Variants in XKR6 observed in about 807,000 individuals in gnomAD.
XKR6 encodes the protein XK related 6, also known as XK-related protein 6.
Under a neutral mutation model 56.7 loss-of-function variants are expected in XKR6, and 22 were observed. That is an observed-to-expected ratio of 0.39 (90% CI 0.28 to 0.55). The LOEUF (loss-of-function observed/expected upper bound fraction) is 0.55. Among genes scored for constraint, XKR6 ranks in the 20% least tolerant of loss-of-function variants. The pLI is 0.66. For missense variants in XKR6, 852 were observed against 889.0 expected (o/e 0.96, Z 0.53); for synonymous variants, 524 against 387.8 (o/e 1.35, Z -4.13).
chr8:11,172,187 T>G (rs1342213705), intron 1 of XKR6, among the ~76,000 whole-genome samples: 1 of 151,910 alleles, frequency 6.6e-6, no homozygotes, highest in South Asian at 2.1e-4. Context: ...CTGGGCAACA[T>G]GGCGAACACC....
intron 1 of XKR6, among the ~76,000 whole-genome samples, chr8:11,188,873 C>T (rs1015080470): frequency 6.6e-6 from 1 of 152,110 alleles, no homozygotes; most frequent in Non-Finnish European, 1.5e-5. Flanking sequence ...ACAAGGTTCT[C>T]GGATTTTCTC....
chr8:11,167,715 C>A (rs941881366), intron 1 of XKR6, among the ~76,000 whole-genome samples: 8 of 152,064 alleles, frequency 5.3e-5, no homozygotes, highest in African/African-American at 1.9e-4. Context: ...ACAAGTCTGG[C>A]TCACTATTGA....
At chr8:11,054,485 C>A (rs547553588) in intron 1 of XKR6, among the ~76,000 whole-genome samples, 16 of 152,196 alleles carry the variant, frequency 1.1e-4, no homozygotes, top group Non-Finnish European at 1.8e-4. Flanking sequence ...ATCAACTTAT[C>A]TGAGAGTGCA....
At chr8:11,123,213 G>A (rs1288898735) in intron 1 of XKR6, among the ~76,000 whole-genome samples, 1 of 149,522 alleles carries the variant, frequency 6.7e-6, no homozygotes, top group Non-Finnish European at 1.5e-5. Flanking sequence ...CTCCAGCCTG[G>A]GTGGCAGAGT....
chr8:11,140,891 C>G (rs1800661199), intron 1 of XKR6, among the ~76,000 whole-genome samples: 1 of 106,418 alleles, frequency 9.4e-6, no homozygotes, highest in African/African-American at 5.0e-5. Context: ...GAGCGAGACT[C>G]TGTCTCAAAA....
chr8:10,990,802 C>T (rs1234925359), intron 1 of XKR6, among the ~76,000 whole-genome samples: 2 of 151,312 alleles, frequency 1.3e-5, no homozygotes, highest in East Asian at 1.9e-4. Context: ...AGGCTGGTCT[C>T]GAACTTCTGG....
In XKR6 at chr8:11,200,737, G is replaced by A. The variant is rs1804171122; in HGVS notation, c.603C>T (p.Ser201=). ...GGLGAVEGLT[S]RGPPMMGAGY... is the part of the protein sequence containing the mutation. ...CGGCCCCCATCATGGGGGGGCCCCG[G>A]CTGGTGAGCCCCTCCACGGCGCCCA... Residue 201 remains serine (S), a synonymous_variant, in exon 1 of 3, where the codon AGC becomes AGT. Coordinates refer to ENST00000416569, the MANE Select transcript of XKR6 (RefSeq NM_173683.4). The surrounding 1 kb of genome is among the most constrained non-coding windows in gnomAD (Gnocchi z 6.4). The A allele has an allele frequency of 6.3e-7, 1 of 1,592,456 alleles. No individual in the cohort carries two copies. The highest frequency in any genetic ancestry group is 8.5e-7 in the Non-Finnish European group (1 of 1,172,494).
intron 1 of XKR6, among the ~76,000 whole-genome samples, chr8:11,116,785 G>A (rs759353109): frequency 5.3e-5 from 8 of 152,130 alleles, no homozygotes; most frequent in Non-Finnish European, 8.8e-5. Flanking sequence ...AGTCACAGCT[G>A]CCATTTCCCC....
chr8:10,940,820 G>T (rs1032838311), intron 1 of XKR6, among the ~76,000 whole-genome samples: 1 of 152,174 alleles, frequency 6.6e-6, no homozygotes, highest in Non-Finnish European at 1.5e-5. Context: ...CCAGCAAACT[G>T]CTTTGTTCCA....
At position 11,056,094 on chromosome 8, in the gene XKR6, G is replaced by A. The variant is rs114590702; in HGVS notation, c.765-131264C>T. Among the ~76,000 whole-genome samples, 1,342 of 152,148 alleles carry A rather than the reference G, an allele frequency of 8.8e-3. 16 individuals carry two copies. The highest frequency in any genetic ancestry group is 0.031 in the African/African-American group (1,287 of 41,508). ...TGCCCCATAGGAGGCCGTGGACGAC[G>A]TCCCGACTCCTCCTGGACCCAGTGC... is the stretch of plus-strand genomic sequence containing the variant. On this transcript the variant is annotated intron_variant, in intron 1 of 2. Coordinates refer to ENST00000416569, the MANE Select transcript of XKR6 (RefSeq NM_173683.4).
At chr8:11,191,498 C>T (rs946413087) in intron 1 of XKR6, among the ~76,000 whole-genome samples, 13 of 152,064 alleles carry the variant, frequency 8.5e-5, no homozygotes, top group East Asian at 5.8e-4. Flanking sequence ...ACGTATGGGG[C>T]GCCTACTGAT....
intron 1 of XKR6, among the ~76,000 whole-genome samples, chr8:11,023,939 G>A (rs1179813388): frequency 2.0e-5 from 3 of 152,174 alleles, no homozygotes; most frequent in Admixed American, 6.5e-5. Context: ...AAAACCCTAC[G>A]AGAAGAATAG....
intron 1 of XKR6, among the ~76,000 whole-genome samples, chr8:11,133,805 A>G (rs1426132713): frequency 1.3e-5 from 2 of 152,060 alleles, no homozygotes; most frequent in African/African-American, 2.4e-5. Context: ...CACATCCAAA[A>G]CATAATTAAC....
intron 1 of XKR6, among the ~76,000 whole-genome samples, chr8:11,119,732 C>T (rs549882657): frequency 6.6e-6 from 1 of 152,194 alleles, no homozygotes; most frequent in South Asian, 2.1e-4. Context: ...CTGAATACAA[C>T]ATACTGAGAA....
At chr8:11,037,712 G>T (rs1799180476) in intron 1 of XKR6, among the ~76,000 whole-genome samples, 3 of 152,204 alleles carry the variant, frequency 2.0e-5, no homozygotes, top group Admixed American at 1.3e-4. Flanking sequence ...ACAAAAATTG[G>T]CTGGGCATGG....
At chr8:11,006,714 T>C (rs988434219) in intron 1 of XKR6, among the ~76,000 whole-genome samples, 8 of 152,238 alleles carry the variant, frequency 5.3e-5, no homozygotes, top group African/African-American at 1.9e-4. Flanking sequence ...AGTGGGCCAT[T>C]ACAAACAGAA....
chr8:10,952,118 T>C lies in XKR6; in HGVS notation c.765-27288A>G, dbSNP rs760344008. ...AGCCCTCCTGCCCCTCTCCAGGCTT[T>C]TTCAAAGCCCCCATCCCCATCCCAG... On this transcript the variant is annotated intron_variant, in intron 1 of 2. Coordinates refer to ENST00000416569, the MANE Select transcript of XKR6 (RefSeq NM_173683.4). 3.3e-5 allele frequency among the ~76,000 whole-genome samples: 5 copies of C among 152,108 alleles called. No homozygotes were observed. In the East Asian group the frequency reaches 5.8e-4, roughly 18 times the overall value.
chr8:11,102,521 G>T (rs1258872590), intron 1 of XKR6, among the ~76,000 whole-genome samples: 1 of 152,188 alleles, frequency 6.6e-6, no homozygotes, highest in Non-Finnish European at 1.5e-5. Context: ...CAGACAGGAA[G>T]CAAGAATGGA....
At chr8:11,165,286 G>T (rs1000650085) in intron 1 of XKR6, among the ~76,000 whole-genome samples, 10 of 151,876 alleles carry the variant, frequency 6.6e-5, no homozygotes, top group African/African-American at 1.9e-4. Context: ...TTTTAATAGA[G>T]ATGGGGTTTC....
Sources: allele counts gnomAD v4.1 joint callset (sites outside exome capture counted in the v4.1 genomes callset), GRCh38; gene constraint gnomAD v4.1.1; non-coding constraint Gnocchi (gnomAD v3.1); transcripts MANE v1.5; gene names NCBI Gene and HGNC (gene_info 2026-07-23, HGNC 2026-07-21).